Variants in TIGD4 observed in about 807,000 individuals in gnomAD.
TIGD4 encodes tigger transposable element derived 4.
A neutral mutation model predicts 24.9 loss-of-function variants in TIGD4; 20 were observed. The ratio of observed to expected loss-of-function variants is 0.80; its 90% confidence interval spans 0.56 to 1.17. The LOEUF is 1.17. Among genes scored for constraint, TIGD4 ranks in the 50% most tolerant of loss-of-function variants. The pLI is 0.00. For synonymous variants in TIGD4, 193 were observed against 211.0 expected, an observed-to-expected ratio of 0.91 and a Z score of 0.74; for missense variants, 566 against 591.0, an observed-to-expected ratio of 0.96 and a Z score of 0.44.
intron 1 of TIGD4, among the ~76,000 whole-genome samples, chr4:152,772,645 T>A (rs531032708): frequency 6.6e-6 from 1 of 152,282 alleles, no homozygotes; most frequent in African/African-American, 2.4e-5. Flanking sequence ...TTTGGAAAAC[T>A]ATAAAATCCT....
chr4:152,777,801 G>A (rs1424174097), intron 1 of TIGD4, among the ~76,000 whole-genome samples: 1 of 152,036 alleles, frequency 6.6e-6, no homozygotes, highest in Non-Finnish European at 1.5e-5. Context: ...TCCAAAGAAC[G>A]CTGGTTTGCT....
intron 1 of TIGD4, among the ~76,000 whole-genome samples, chr4:152,776,494 T>C (rs1490276743): frequency 6.6e-6 from 1 of 152,132 alleles, no homozygotes; most frequent in Non-Finnish European, 1.5e-5. Flanking sequence ...CCATTCAGAA[T>C]CTCTAGGAGT....
Position 152,769,667 on chromosome 4 carries a change from C to G in TIGD4, c.1338G>C (p.Ser446=). The part of the protein sequence containing the change: ...GDSICTKESK[S]DETGFYTSDE... ...CAGAAGTGTAAAATCCAGTTTCATC[C>G]GATTTACTTTCTTTGGTGCATATGG... Residue 446 remains serine (S), a synonymous_variant, in exon 2 of 2, where the codon TCG becomes TCC. Transcript: ENST00000304337. 1 of 1,613,050 alleles carries G rather than the reference C, an allele frequency of 6.2e-7. No homozygotes were observed. The highest frequency in any genetic ancestry group is 8.5e-7 in the Non-Finnish European group (1 of 1,179,518).
chr4:152,770,946 C>A lies in TIGD4; in HGVS notation c.59G>T (p.Ser20Ile). The change falls in exon 2 of 2, where the codon AGC becomes ATC. Residue 20 changes from serine (S) to isoleucine (I), a missense_variant. Coordinates refer to ENST00000304337, the MANE Select transcript of TIGD4 (RefSeq NM_145720.4). Reference sequence around the variant, plus strand: ...GTCGATCTTTTCCTCAATGGATAGGCTTTTCTTTTTCTTCACTGTTACAGG... The same window carrying A: ...GTCGATCTTTTCCTCAATGGATAGGATTTTCTTTTTCTTCACTGTTACAGG... The part of the protein sequence containing the change: ...TLPVTVKKKK[S>I]LSIEEKIDII... 6.2e-7 allele frequency: 1 copy of A among 1,612,686 alleles called. No homozygotes were observed. Among genetic ancestry groups the A allele is most frequent in the Non-Finnish European group, 8.5e-7 (1 of 1,179,700 alleles).
chr4:152,775,211 G>A (rs972908926), intron 1 of TIGD4, among the ~76,000 whole-genome samples: 3 of 152,084 alleles, frequency 2.0e-5, no homozygotes, highest in African/African-American at 4.8e-5. Context: ...CACCATGCCC[G>A]GCCTATATCA....
chr4:152,776,515 T>G (rs1730264190), intron 1 of TIGD4, among the ~76,000 whole-genome samples: 1 of 152,078 alleles, frequency 6.6e-6, no homozygotes, highest in Non-Finnish European at 1.5e-5. Context: ...AATGAGTCAC[T>G]CTCCTTTCAT....
In TIGD4 at chr4:152,770,904, T is replaced by C. The variant is rs1396344525; in HGVS notation, c.101A>G (p.Glu34Gly). Residue 34 changes from glutamate (E) to glycine (G), a missense_variant, in exon 2 of 2, where the codon GAA (glutamate) becomes GGA (glycine). Transcript: ENST00000304337. ...AATCTCTGCTTTTTTCTTGCCACTT[T>C]CCACTGCATTTATGATGTCGATCTT... is the stretch of plus-strand genomic sequence containing the variant. ...EEKIDIINAV[E>G]SGKKKAEIAA... 1 of 1,614,052 alleles carries C rather than the reference T, an allele frequency of 6.2e-7. No individual in the cohort carries two copies. The highest frequency in any genetic ancestry group is 2.2e-5 in the East Asian group (1 of 44,876).
chr4:152,769,560 A>C lies in TIGD4; in HGVS notation c.1445T>G (p.Leu482Arg), dbSNP rs1355409916. The C allele has an allele frequency of 1.2e-6, 2 of 1,606,302 alleles. No homozygotes were observed. The highest frequency in any genetic ancestry group is 1.3e-5 in the African/African-American group (1 of 74,658). ...ATCTTGACTTCTGAGAAATTTTTTC[A>C]GAGTATCTAAAGCAGTTATTGCCTC... is the stretch of plus-strand genomic sequence containing the variant. ...KSEAITALDT[L>R]KKFLRSQDMN... The change falls in exon 2 of 2, where the codon CTG becomes CGG. Residue 482 changes from leucine to arginine, a missense_variant. By Grantham distance (102) the Leu-to-Arg change is moderately radical. Transcript: ENST00000304337.
Position 152,770,980 on chromosome 4 carries a change from A to T in TIGD4, c.25T>A (p.Ser9Thr). ...TTCTTCACTGTTACAGGCAGAGTTGAGGCATCCACAGAAGCTTCTGCCATC... is the reference window on the plus strand; with the variant it reads ...TTCTTCACTGTTACAGGCAGAGTTGTGGCATCCACAGAAGCTTCTGCCATC... MAEASVDA[S>T]TLPVTVKKKK... Residue 9 changes from serine to threonine, a missense_variant, in exon 2 of 2, where the codon TCA becomes ACA. Physicochemically the swap from Ser to Thr is moderately conservative, Grantham distance 58 (BLOSUM62 1). Transcript: ENST00000304337. The T allele has an allele frequency of 1.2e-6, 2 of 1,606,162 alleles. No individual in the cohort carries two copies. The highest frequency in any genetic ancestry group is 1.7e-6 in the Non-Finnish European group (2 of 1,178,036).
At chr4:152,772,584 G>T (rs1004747741) in intron 1 of TIGD4, among the ~76,000 whole-genome samples, 22 of 152,186 alleles carry the variant, frequency 1.4e-4, no homozygotes, top group African/African-American at 5.3e-4. Flanking sequence ...AGGTGGTGAT[G>T]ATCTCATCAT....
chr4:152,778,837 CAAGT>C (rs2149807916), intron 1 of TIGD4, among the ~76,000 whole-genome samples: 1 of 152,278 alleles, frequency 6.6e-6, no homozygotes, highest in South Asian at 2.1e-4. Context: ...GCTACTGTGA[CAAGT>C]AAAGGCAGCT....
intron 1 of TIGD4, among the ~76,000 whole-genome samples, chr4:152,778,383 G>A (rs372409028): frequency 1.3e-5 from 2 of 152,176 alleles, no homozygotes; most frequent in East Asian, 1.9e-4. Flanking sequence ...TTAGCTGCAA[G>A]TTCTGTAGTT....
Position 152,769,452 on chromosome 4 carries a change from T to C in TIGD4, c.*14A>G. On this transcript the variant is annotated 3_prime_UTR_variant, in exon 2 of 2. Transcript: ENST00000304337. ...TCAGGAAAAGCTATTACTCTTTAGA[T>C]GTACAATACATAGTTACTTAGGTGA... 1 of 1,461,032 alleles carries C rather than the reference T, an allele frequency of 6.8e-7. No homozygotes were observed. The highest frequency in any genetic ancestry group is 9.2e-7 in the Non-Finnish European group (1 of 1,087,702). 90.5% of individuals were successfully genotyped at this position (1,461,032 alleles called of 1,614,324 possible).
In TIGD4 at chr4:152,769,670, T is replaced by G. The variant is rs756260459; in HGVS notation, c.1335A>C (p.Lys445Asn). Reference protein sequence around the residue: ...NGDSICTKESKSDETGFYTSD... With the variant: ...NGDSICTKESNSDETGFYTSD... ...AAGTGTAAAATCCAGTTTCATCCGA[T>G]TTACTTTCTTTGGTGCATATGGAAT... Residue 445 changes from lysine to asparagine, a missense_variant, in exon 2 of 2, where the codon AAA becomes AAC. Transcript: ENST00000304337. 1.2e-6 allele frequency: 2 copies of G among 1,613,320 alleles called. No homozygotes were observed. Among genetic ancestry groups the G allele is most frequent in the Non-Finnish European group, 1.7e-6 (2 of 1,179,632 alleles).
In TIGD4 at chr4:152,779,541, G is replaced by T. The variant is rs1730351335; in HGVS notation, c.-598C>A. ...TTTCGCTCTTCTGTGGTAGCGTGGAGGTGAGGTACATCTACCTCCACCCTC... is the reference window on the plus strand; with the variant it reads ...TTTCGCTCTTCTGTGGTAGCGTGGATGTGAGGTACATCTACCTCCACCCTC... On this transcript the variant is annotated 5_prime_UTR_variant, in exon 1 of 2. Coordinates refer to ENST00000304337, the MANE Select transcript of TIGD4 (RefSeq NM_145720.4). 1 of 152,368 alleles carries T rather than the reference G, an allele frequency of 6.6e-6. No homozygotes were observed. The highest frequency in any genetic ancestry group is 2.4e-5 in the African/African-American group (1 of 41,460). The allele number at this position is 152,368 out of a possible 1,614,324, so 9.4% of individuals were successfully genotyped here. A position where few individuals can be genotyped will look rare whatever the true frequency, so the allele number is the denominator to read the frequency against.
intron 1 of TIGD4, among the ~76,000 whole-genome samples, chr4:152,772,515 T>A (rs1259195744): frequency 2.0e-5 from 3 of 152,172 alleles, no homozygotes; most frequent in Non-Finnish European, 4.4e-5. Flanking sequence ...AAAGATTCAA[T>A]GAAAGAGTGT....
At position 152,769,617 on chromosome 4, in the gene TIGD4, G is replaced by C. The variant is rs1305970730; in HGVS notation, c.1388C>G (p.Pro463Arg). The C allele has an allele frequency of 6.2e-7, 1 of 1,613,524 alleles. No homozygotes were observed. Among genetic ancestry groups the C allele is most frequent in the Non-Finnish European group, 8.5e-7 (1 of 1,179,770 alleles). The stretch of plus-strand genomic sequence containing the variant: ...TGATGGTAAAGGGAGTTCAGTTCCT[G>C]GAGATCCATCATCATCCTCTTCATC... The part of the protein sequence containing the change: ...TSDEEDDDGS[P>R]GTELPLPSKS... Residue 463 changes from proline to arginine, a missense_variant, in exon 2 of 2, where the codon CCA becomes CGA. Transcript: ENST00000304337.
At position 152,769,994 on chromosome 4, in the gene TIGD4, T is replaced by A; in HGVS notation, c.1011A>T (p.Lys337Asn). 10 of 1,609,942 alleles carry A rather than the reference T, an allele frequency of 6.2e-6. No individual in the cohort carries two copies. Among genetic ancestry groups the A allele is most frequent in the Non-Finnish European group, 8.5e-6 (10 of 1,177,146 alleles). ...TGCTACCTTCAACAGAGCTTAAAAA[T>A]TTCTTGATAAGACAGTGTCGATATT... The part of the protein sequence containing the change: ...KIKYRHCLIK[K>N]FLSSVEGSKE... The change falls in exon 2 of 2, where the codon AAA becomes AAT. Residue 337 changes from lysine to asparagine, a missense_variant. Coordinates refer to ENST00000304337, the MANE Select transcript of TIGD4 (RefSeq NM_145720.4).
In TIGD4 at chr4:152,771,027, A is replaced by T; in HGVS notation, c.-23T>A. On this transcript the variant is annotated 5_prime_UTR_variant, in exon 2 of 2. Coordinates refer to ENST00000304337, the MANE Select transcript of TIGD4 (RefSeq NM_145720.4). ...CATCTCAGCCAGTGCTTATGTAGAG[A>T]TTACTCTTCTTAACTTCCTGGTGAC... 6.4e-7 allele frequency: 1 copy of T among 1,559,856 alleles called. No homozygotes were observed. The highest frequency in any genetic ancestry group is 8.6e-7 in the Non-Finnish European group (1 of 1,160,718).
Sources: gnomAD v4.1 joint callset for allele counts (sites outside exome capture counted in the v4.1 genomes callset) on GRCh38, gnomAD v4.1.1 for gene constraint, MANE v1.5 for transcripts, NCBI Gene and HGNC (gene_info 2026-07-23, HGNC 2026-07-21) for gene names.